The following INPP5D variants were observed in gnomAD, a reference collection of about 807,000 sequenced individuals.
The protein encoded by INPP5D is inositol polyphosphate-5-phosphatase D.
In INPP5D, 33 loss-of-function variants were observed where a neutral mutation model predicts 122.9. The observed-to-expected ratio is 0.27, with a 90% CI of 0.20 to 0.36. The LOEUF (loss-of-function observed/expected upper bound fraction) is 0.36. Among genes scored for constraint, INPP5D ranks in the 10% least tolerant of loss-of-function variants. The probability of loss-of-function intolerance (pLI) is 1.00; values close to 1 mark genes in which losing one functional copy is unlikely to be tolerated. For missense variants in INPP5D, 1,053 were observed against 1,412.7 expected, an observed-to-expected ratio of 0.75 and a Z score of 4.08; for synonymous variants, 584 against 576.2, an observed-to-expected ratio of 1.01 and a Z score of -0.19.
chr2:233,104,641 C>G (rs141671548), intron 2 of INPP5D, among the ~76,000 whole-genome samples: 63 of 152,298 alleles, frequency 4.1e-4, no homozygotes, highest in Middle Eastern at 3.4e-3. Flanking sequence ...GTTTTCATGT[C>G]TGATCAGCTC....
chr2:233,126,942 C>G (rs549878576), intron 4 of INPP5D, among the ~76,000 whole-genome samples: 18 of 151,838 alleles, frequency 1.2e-4, no homozygotes, highest in Middle Eastern at 3.4e-3. Flanking sequence ...AATTCCACAT[C>G]GAGCCCATTG....
At chr2:233,106,488 T>C (rs1463441396) in intron 2 of INPP5D, among the ~76,000 whole-genome samples, 2 of 152,244 alleles carry the variant, frequency 1.3e-5, no homozygotes, top group Admixed American at 6.5e-5. Context: ...GCCAGAGTCA[T>C]GTGGCCAAGC....
Position 233,177,422 on chromosome 2 carries a change from T to C in INPP5D, c.2071+76T>C. On this transcript the variant is annotated intron_variant, in intron 18 of 26. Transcript: ENST00000445964. This position sits in a 1 kb window ranked among gnomAD's most constrained non-coding sequence, Gnocchi z 4.2. Reference sequence around the variant, plus strand: ...GCTGGGAGGTGTGACTGCCCTAAAATCTAAGGGCTTCAGTCTGTTGATGTG... The same window carrying C: ...GCTGGGAGGTGTGACTGCCCTAAAACCTAAGGGCTTCAGTCTGTTGATGTG... 6.2e-7 allele frequency: 1 copy of C among 1,609,158 alleles called. No individual in the cohort carries two copies. The highest frequency in any genetic ancestry group is 1.1e-5 in the South Asian group (1 of 90,734).
chr2:233,124,664 C>T (rs1029625016), intron 3 of INPP5D, among the ~76,000 whole-genome samples: 2 of 152,214 alleles, frequency 1.3e-5, no homozygotes, highest in African/African-American at 2.4e-5. Flanking sequence ...TCTGCAGAAA[C>T]GCCCTCCACA....
chr2:233,156,964 C>T (rs1370774949), intron 9 of INPP5D, among the ~76,000 whole-genome samples: 1 of 152,186 alleles, frequency 6.6e-6, no homozygotes, highest in Non-Finnish European at 1.5e-5. Context: ...GTTGTGCTAA[C>T]TCTTTTCTGA....
chr2:233,115,948 C>T (rs1042498912), intron 2 of INPP5D, among the ~76,000 whole-genome samples: 15 of 152,132 alleles, frequency 9.9e-5, no homozygotes, highest in Non-Finnish European at 2.2e-4. Context: ...TGATTCTAAG[C>T]TGGGCTTGGT....
chr2:233,171,042 A>G (rs761209588), intron 16 of INPP5D, 22 bp from the exon 17 acceptor site: 12 of 1,613,062 alleles, frequency 7.4e-6, no homozygotes, highest in Admixed American at 1.7e-5. Context: ...TCAGAATTAA[A>G]ACGAAAGTCT....
chr2:233,064,232 T>G lies in INPP5D; in HGVS notation c.134+3620T>G, dbSNP rs1412701417. On this transcript the variant is annotated intron_variant, in intron 1 of 26. Coordinates refer to ENST00000445964, the MANE Select transcript of INPP5D (RefSeq NM_001017915.3). ...GAGGGCGGCGTTCCCAGCCAACCAC[T>G]CCAGAGAGAGGGGGCTTCCCTCATG... 2.0e-5 allele frequency among the ~76,000 whole-genome samples: 3 copies of G among 152,274 alleles called. No homozygotes were observed. In the East Asian group the frequency reaches 5.8e-4, roughly 29 times the overall value.
chr2:233,114,568 C>T (rs1045510698), intron 2 of INPP5D, among the ~76,000 whole-genome samples: 5 of 152,160 alleles, frequency 3.3e-5, no homozygotes, highest in Admixed American at 1.3e-4. Flanking sequence ...CGGCCTGCAC[C>T]GTCAGACTCC....
chr2:233,069,387 G>C (rs181886158), intron 1 of INPP5D, among the ~76,000 whole-genome samples: 43 of 152,266 alleles, frequency 2.8e-4, no homozygotes, highest in Middle Eastern at 3.4e-3. Flanking sequence ...AGCACAGAAA[G>C]TACAAAGCAA....
chr2:233,068,176 T>TCGA (rs896383790), intron 1 of INPP5D, among the ~76,000 whole-genome samples: 1 of 151,742 alleles, frequency 6.6e-6, no homozygotes, highest in Non-Finnish European at 1.5e-5. Flanking sequence ...TCCCAGCTAC[T>TCGA]CGAGAGGCTG....
At chr2:233,153,212 C>G (rs1002771057) in intron 9 of INPP5D, among the ~76,000 whole-genome samples, 3 of 152,186 alleles carry the variant, frequency 2.0e-5, no homozygotes, top group African/African-American at 7.2e-5. Context: ...ACCGCACAGT[C>G]CTGCGAACAG....
chr2:233,085,201 C>T (rs1691797566), intron 2 of INPP5D, among the ~76,000 whole-genome samples: 1 of 152,038 alleles, frequency 6.6e-6, no homozygotes, highest in Non-Finnish European at 1.5e-5. Flanking sequence ...GCCTGGGCAA[C>T]ATGGTGAAAC....
Position 233,184,477 on chromosome 2 carries a change from C to G in INPP5D, c.2231C>G (p.Ser744Cys). The change falls in exon 20 of 27, where the codon TCC becomes TGC. Residue 744 changes from serine (S) to cysteine (C), a missense_variant. Coordinates refer to ENST00000445964, the MANE Select transcript of INPP5D (RefSeq NM_001017915.3). ...TGCTATGCCACATTGAAGACCAAGT[C>G]CCAGACCAAATTCTACCTGGAGTTC... is the stretch of plus-strand genomic sequence containing the variant. ...LRCYATLKTK[S>C]QTKFYLEFHS... is the part of the protein sequence containing the mutation. 1 of 1,614,006 alleles carries G rather than the reference C, an allele frequency of 6.2e-7. No individual in the cohort carries two copies. The highest frequency in any genetic ancestry group is 8.5e-7 in the Non-Finnish European group (1 of 1,179,890).
rs1458016117 is a variant in INPP5D at position 233,170,743 on chromosome 2, A to G, written c.1900+139A>G. The G allele has an allele frequency of 6.4e-6, 8 of 1,250,194 alleles. No individual in the cohort carries two copies. Among genetic ancestry groups the G allele is most frequent in the Non-Finnish European group, 7.5e-6 (7 of 928,744 alleles). The allele number at this position is 1,250,194 out of a possible 1,614,324, so 77.4% of individuals were successfully genotyped here. A position where few individuals can be genotyped will look rare whatever the true frequency, so the allele number is the denominator to read the frequency against. On this transcript the variant is annotated intron_variant, in intron 16 of 26. Transcript: ENST00000445964. The surrounding 1 kb of genome is among the most constrained non-coding windows in gnomAD (Gnocchi z 4.5). ...ACAGTGAAACCCCGTCTCTACTTAA[A>G]AAAATACAAAAAATTAGCCGGGTGT...
chr2:233,061,097 A>G (rs1014774258), intron 1 of INPP5D, among the ~76,000 whole-genome samples: 39 of 152,148 alleles, frequency 2.6e-4, no homozygotes, highest in Non-Finnish European at 2.2e-4. Context: ...GGTGAGTTTA[A>G]TCAAGAAAGG....
At chr2:233,096,276 A>T (rs781036130) in intron 2 of INPP5D, among the ~76,000 whole-genome samples, 59 of 152,234 alleles carry the variant, frequency 3.9e-4, no homozygotes, top group Non-Finnish European at 7.1e-4. Flanking sequence ...AATTCTGGAC[A>T]TTACCAGTGC....
At chr2:233,111,684 C>T (rs1305675506) in intron 2 of INPP5D, among the ~76,000 whole-genome samples, 1 of 152,244 alleles carries the variant, frequency 6.6e-6, no homozygotes, top group East Asian at 1.9e-4. Context: ...GCTGTTACTG[C>T]AGAACTTAAC....
At chr2:233,175,217 C>A (rs1165011629) in intron 17 of INPP5D, among the ~76,000 whole-genome samples, 72 of 68,596 alleles carry the variant, frequency 1.0e-3, no homozygotes, top group East Asian at 2.3e-3. Flanking sequence ...GACTCCATCT[C>A]AAAAAAAAAA....
Sources: gnomAD v4.1 joint callset for allele counts (sites outside exome capture counted in the v4.1 genomes callset) on GRCh38, gnomAD v4.1.1 for gene constraint, Gnocchi (gnomAD v3.1) non-coding constraint, MANE v1.5 for transcripts, NCBI Gene and HGNC (gene_info 2026-07-23, HGNC 2026-07-21) for gene names.